ARFGEF2: variants seen among roughly 807,000 people sequenced by gnomAD.
ARFGEF2 encodes the protein ARF guanine nucleotide exchange factor 2.
In ARFGEF2, 74 loss-of-function variants were observed where a neutral mutation model predicts 219.9. The ratio of observed to expected loss-of-function variants is 0.34; its 90% CI spans 0.28 to 0.41. The LOEUF (loss-of-function observed/expected upper bound fraction) is 0.41, where lower values mean the gene tolerates loss of function less well. Among genes scored for constraint, ARFGEF2 ranks in the 10% least tolerant of loss-of-function variants. The pLI is 1.00. For synonymous variants in ARFGEF2, 733 were observed against 799.2 expected (o/e 0.92, Z 1.40); for missense variants, 1,743 against 2,218.3 (o/e 0.79, Z 4.30).
At chr20:48,995,931 G>A in intron 23 of ARFGEF2, 49 bp downstream of exon 23, 1 of 1,526,728 alleles carries the variant, frequency 6.5e-7, no homozygotes, top group Non-Finnish European at 9.1e-7. Flanking sequence ...TGGTTTGGTG[G>A]CCTCTCTGTA....
intron 14 of ARFGEF2, 50 bp from the exon 15 acceptor site, chr20:48,984,679 C>T (rs1318901650): frequency 1.2e-6 from 2 of 1,609,690 alleles, no homozygotes; most frequent in South Asian, 2.2e-5. Context: ...CTTTTGCTAT[C>T]CTCCAGATTT....
At chr20:49,023,732 G>GT (rs1356790123) in intron 35 of ARFGEF2, among the ~76,000 whole-genome samples, 11 of 151,472 alleles carry the variant, frequency 7.3e-5, no homozygotes, top group African/African-American at 2.7e-4. Flanking sequence ...TAGAGACGGG[G>GT]TTTCACCGTG....
At chr20:49,022,593 C>G (rs1440826911) in intron 34 of ARFGEF2, among the ~76,000 whole-genome samples, 2 of 152,150 alleles carry the variant, frequency 1.3e-5, no homozygotes, top group East Asian at 3.8e-4. Context: ...ATAGCTGATT[C>G]CCTCACTTTC....
Position 48,971,050 on chromosome 20 carries a change from C to T in ARFGEF2, c.1191-70C>T, listed in dbSNP as rs1457221100. On this transcript the variant is annotated intron_variant, in intron 9 of 38. Transcript: ENST00000371917. Reference sequence around the variant, plus strand: ...CTACTCATTGGTAAAGGAGCAAGGCCTTCTCAAGAAACATACTGTTTGACA... The same window carrying T: ...CTACTCATTGGTAAAGGAGCAAGGCTTTCTCAAGAAACATACTGTTTGACA... 5.3e-6 allele frequency: 7 copies of T among 1,312,144 alleles called. No individual in the cohort carries two copies. The Admixed American group carries it at 6.8e-5, about 13-fold the overall frequency. 81.3% of individuals were successfully genotyped at this position (1,312,144 alleles called of 1,614,324 possible).
intron 26 of ARFGEF2, among the ~76,000 whole-genome samples, chr20:49,010,026 G>GT (rs2091486892): frequency 6.6e-6 from 1 of 152,156 alleles, no homozygotes; most frequent in Admixed American, 6.5e-5. Flanking sequence ...TGAGTTTATT[G>GT]TTTCGTGATT....
In ARFGEF2 at chr20:48,996,799, C is replaced by CT. The variant is rs78706444; in HGVS notation, c.3221+929dup. Among the ~76,000 whole-genome samples, 1,091 of 141,706 alleles carry CT rather than the reference C, an allele frequency of 7.7e-3. 15 individuals are homozygous for CT. Among genetic ancestry groups the CT allele is most frequent in the African/African-American group, 0.025 (985 of 38,938 alleles). The allele number at this position is 141,706 out of a possible 152,430, so 93.0% of individuals were successfully genotyped here. A position where few individuals can be genotyped will look rare whatever the true frequency, so the allele number is the denominator to read the frequency against. ...GAGAGTTGGCTGAGTTGACAGTTTC[C>CT]TTTTTTTTTTTTCTCCCCTCAAAAC... On this transcript the variant is annotated intron_variant, in intron 23 of 38. Transcript: ENST00000371917.
At chr20:48,985,870 G>A (rs1007263322) in intron 16 of ARFGEF2, among the ~76,000 whole-genome samples, 1 of 152,230 alleles carries the variant, frequency 6.6e-6, no homozygotes, top group Non-Finnish European at 1.5e-5. Flanking sequence ...TAAAGCCCAT[G>A]CTGTTAGCAA....
rs781049193 is a variant in ARFGEF2, at chr20:48,991,052, G to A, written c.2827G>A (p.Ala943Thr). Residue 943 changes from alanine (A) to threonine (T), a missense_variant, in exon 21 of 39, where the codon GCC becomes ACC. Physicochemically the swap from Ala to Thr is moderately conservative, Grantham distance 58 (BLOSUM62 0). This residue lies in a region of ARFGEF2 where 666 missense variants were observed against 955.4 expected (regional missense o/e 0.70). Transcript: ENST00000371917. ...GTTTCTGTTACAGCTGGAACGAGATGCCTATGTTCAGGCTCTTGCTCGCTT... is the reference window on the plus strand; with the variant it reads ...GTTTCTGTTACAGCTGGAACGAGATACCTATGTTCAGGCTCTTGCTCGCTT... ...CIFGMQLERD[A>T]YVQALARFSL... 1 of 1,614,002 alleles carries A rather than the reference G, an allele frequency of 6.2e-7. No individual in the cohort carries two copies. Among genetic ancestry groups the A allele is most frequent in the Admixed American group, 1.7e-5 (1 of 59,994 alleles).
In ARFGEF2 at chr20:48,985,587, C is replaced by T. The variant is rs748759292; in HGVS notation, c.2250C>T (p.Ala750=). 2.4e-5 allele frequency: 39 copies of T among 1,614,026 alleles called. No homozygotes were observed. In the East Asian group the frequency reaches 6.9e-4, roughly 29 times the overall value. Residue 750 remains alanine (A), a synonymous_variant, in exon 16 of 39, where the codon GCC becomes GCT. Transcript: ENST00000371917. ...TTGACCGATTAATGGAGAAGTTTGCCGCAAGATACATAGAATGCAACCAAG... is the reference window on the plus strand; with the variant it reads ...TTGACCGATTAATGGAGAAGTTTGCTGCAAGATACATAGAATGCAACCAAG... The part of the protein sequence containing the change: ...QKIDRLMEKF[A]ARYIECNQGQ...
intron 1 of ARFGEF2, among the ~76,000 whole-genome samples, chr20:48,924,990 C>T (rs2123259930): frequency 6.6e-6 from 1 of 152,292 alleles, no homozygotes; most frequent in African/African-American, 2.4e-5. Flanking sequence ...GCTGTAATTA[C>T]TCTGGTTTGA....
At chr20:48,974,324 C>T (rs2091247354) in intron 12 of ARFGEF2, among the ~76,000 whole-genome samples, 1 of 151,950 alleles carries the variant, frequency 6.6e-6, no homozygotes, top group African/African-American at 2.4e-5. Flanking sequence ...ATTGTCCAGG[C>T]TGGTCTTGAA....
At chr20:48,945,117 G>A (rs959870231) in intron 3 of ARFGEF2, among the ~76,000 whole-genome samples, 4 of 152,102 alleles carry the variant, frequency 2.6e-5, no homozygotes, top group Non-Finnish European at 4.4e-5. Context: ...ATCCTGTCAT[G>A]AGGGACCTAC....
Position 49,012,077 on chromosome 20 carries a change from G to A in ARFGEF2, c.3911G>A (p.Arg1304Lys), listed in dbSNP as rs2091503331. The A allele has an allele frequency of 3.7e-6, 6 of 1,614,206 alleles. No individual in the cohort carries two copies. The highest frequency in any genetic ancestry group is 5.1e-6 in the Non-Finnish European group (6 of 1,180,026). Residue 1304 changes from arginine to lysine, a missense_variant, in exon 28 of 39, where the codon AGG becomes AAG. By Grantham distance (26) the Arg-to-Lys change is conservative. Transcript: ENST00000371917. ...IRFCGKYVSERPRVLQEYTSD... is the reference protein window; with the variant it reads ...IRFCGKYVSEKPRVLQEYTSD... ...TTCTGTGGCAAATACGTCTCTGAGA[G>A]GCCTCGGGTTCGTTTTTCCCCACCT...
At chr20:49,023,578 G>A (rs2091582002) in intron 35 of ARFGEF2, among the ~76,000 whole-genome samples, 1 of 143,888 alleles carries the variant, frequency 6.9e-6, no homozygotes. Context: ...TCGCTCTGTC[G>A]CCCAGGCTGG....
chr20:49,016,162 G>A (rs1447660564), intron 30 of ARFGEF2, 118 bp from the exon 31 acceptor site: 9 of 1,016,272 alleles, frequency 8.9e-6, no homozygotes, highest in Admixed American at 4.0e-5. Context: ...TTTTTAAGAC[G>A]TATTCTTGAT....
Position 48,985,619 on chromosome 20 carries a change from C to G in ARFGEF2, c.2276+6C>G, listed in dbSNP as rs368941506. The G allele has an allele frequency of 4.3e-6, 7 of 1,613,862 alleles. No individual in the cohort carries two copies. The East Asian group carries it at 1.6e-4, about 36-fold the overall frequency. ...TACATAGAATGCAACCAAGGGTGAGCGCCGATTTTGAGTCCCTTCCAGATC... is the reference window on the plus strand; with the variant it reads ...TACATAGAATGCAACCAAGGGTGAGGGCCGATTTTGAGTCCCTTCCAGATC... On this transcript the variant is annotated splice_donor_region_variant and intron_variant, in intron 16 of 38. Coordinates refer to ENST00000371917, the MANE Select transcript of ARFGEF2 (RefSeq NM_006420.3).
intron 6 of ARFGEF2, among the ~76,000 whole-genome samples, chr20:48,957,073 A>G (rs2091110654): frequency 6.6e-6 from 1 of 152,114 alleles, no homozygotes; most frequent in Non-Finnish European, 1.5e-5. Context: ...TATTCTTAGC[A>G]TGTGACTTCT....
intron 35 of ARFGEF2, among the ~76,000 whole-genome samples, chr20:49,023,729 G>A (rs967630265): frequency 7.9e-5 from 12 of 151,530 alleles, no homozygotes; most frequent in Admixed American, 5.3e-4. Flanking sequence ...TAGTAGAGAC[G>A]GGGTTTCACC....
intron 25 of ARFGEF2, among the ~76,000 whole-genome samples, chr20:49,004,222 G>A (rs2091442332): frequency 6.6e-6 from 1 of 151,870 alleles, no homozygotes; most frequent in South Asian, 2.1e-4. Context: ...AAAGTAGCTG[G>A]ACGGGGTGGC....
Sources: allele counts gnomAD v4.1 joint callset (sites outside exome capture counted in the v4.1 genomes callset), GRCh38; gene constraint gnomAD v4.1.1; regional missense constraint gnomAD v4.1.1; transcripts MANE v1.5; gene names NCBI Gene and HGNC (gene_info 2026-07-23, HGNC 2026-07-21).